Variants in CTNNA2 observed in about 807,000 individuals in gnomAD.
CTNNA2 encodes catenin alpha 2.
Under a neutral mutation model 101.0 loss-of-function variants are expected in CTNNA2, and 42 were observed. That is an observed-to-expected ratio of 0.42 (90% CI 0.32 to 0.54). The LOEUF is 0.54. Ranked by LOEUF, CTNNA2 falls within the 20% of genes least tolerant of loss-of-function variation. The pLI is 0.14. For synonymous variants in CTNNA2, 450 were observed against 456.4 expected (o/e 0.99, Z 0.18); for missense variants, 871 against 1,223.1 (o/e 0.71, Z 4.29).
intron 1 of CTNNA2, among the ~76,000 whole-genome samples, chr2:79,559,846 C>G (rs1674666438): frequency 6.6e-6 from 1 of 151,716 alleles, no homozygotes; most frequent in Admixed American, 6.6e-5. Flanking sequence ...AACGAAAAAA[C>G]TACCATTTAT....
chr2:80,611,325 G>A (rs1382252397), intron 17 of CTNNA2, among the ~76,000 whole-genome samples: 1 of 151,036 alleles, frequency 6.6e-6, no homozygotes, highest in African/African-American at 2.4e-5. Context: ...GGGGAGGGTA[G>A]AAGAGAAGAG....
chr2:80,063,908 C>G lies in CTNNA2; in HGVS notation c.1056+154111C>G, dbSNP rs560986048. Among the ~76,000 whole-genome samples, 4 of 152,280 alleles carry G rather than the reference C, an allele frequency of 2.6e-5. No homozygotes were observed. The South Asian group carries it at 8.3e-4, about 32-fold the overall frequency. Reference sequence around the variant, plus strand: ...ATTTGATATGGATCTTTTCTGATGGCCCCCTGGGGATCATTCTGTGGTCTA... The same window carrying G: ...ATTTGATATGGATCTTTTCTGATGGGCCCCTGGGGATCATTCTGTGGTCTA... On this transcript the variant is annotated intron_variant, in intron 7 of 18. Transcript: ENST00000402739.
chr2:80,530,018 G>C (rs569884108), intron 9 of CTNNA2, among the ~76,000 whole-genome samples: 8 of 152,096 alleles, frequency 5.3e-5, no homozygotes, highest in Non-Finnish European at 1.2e-4. Context: ...CTTTCATCTA[G>C]AGCTAGCCAT....
chr2:80,080,871 A>C (rs1267706919), intron 7 of CTNNA2, among the ~76,000 whole-genome samples: 1 of 151,614 alleles, frequency 6.6e-6, no homozygotes, highest in Non-Finnish European at 1.5e-5. Context: ...AAAATCTCCA[A>C]AATCAGGACA....
chr2:79,291,402 T>G (rs1190970593), intron 2 of CTNNA2, among the ~76,000 whole-genome samples: 2 of 152,156 alleles, frequency 1.3e-5, no homozygotes, highest in Non-Finnish European at 2.9e-5. Context: ...TTCTGACATA[T>G]AAAATTATTT....
chr2:80,090,718 C>T (rs1433252384), intron 7 of CTNNA2, among the ~76,000 whole-genome samples: 1 of 152,060 alleles, frequency 6.6e-6, no homozygotes, highest in Non-Finnish European at 1.5e-5. Flanking sequence ...GAATTGACAA[C>T]ACCATGAGGC....
intron 12 of CTNNA2, among the ~76,000 whole-genome samples, chr2:80,567,445 C>T (rs150507485): frequency 2.6e-5 from 4 of 152,238 alleles, no homozygotes; most frequent in East Asian, 3.9e-4. Flanking sequence ...AGGCACACCC[C>T]GTGCCTTATA....
chr2:79,667,624 A>G (rs2104563793), intron 2 of CTNNA2, among the ~76,000 whole-genome samples: 1 of 152,340 alleles, frequency 6.6e-6, no homozygotes, highest in Non-Finnish European at 1.5e-5. Flanking sequence ...CAAAAGGTAA[A>G]TCCTCAAAAT....
chr2:80,574,734 G>A (rs1694890880), intron 13 of CTNNA2, among the ~76,000 whole-genome samples: 1 of 152,100 alleles, frequency 6.6e-6, no homozygotes, highest in South Asian at 2.1e-4. Flanking sequence ...ACTATGAAGT[G>A]ATACATAATT....
intron 2 of CTNNA2, among the ~76,000 whole-genome samples, chr2:79,734,913 A>G (rs558993317): frequency 4.5e-4 from 69 of 152,288 alleles, no homozygotes; most frequent in African/African-American, 1.7e-3. Context: ...ATAACCTTAG[A>G]GAATACACAA....
At chr2:79,997,543 T>A (rs758716820) in intron 7 of CTNNA2, among the ~76,000 whole-genome samples, 1 of 152,140 alleles carries the variant, frequency 6.6e-6, no homozygotes, top group Middle Eastern at 3.2e-3. Flanking sequence ...GCCCCAGCAG[T>A]GGTTCACTCC....
At chr2:80,572,399 A>G (rs1694678069) in intron 12 of CTNNA2, among the ~76,000 whole-genome samples, 1 of 152,144 alleles carries the variant, frequency 6.6e-6, no homozygotes, top group African/African-American at 2.4e-5. Flanking sequence ...CTAATTCTTT[A>G]TCAGTTATAT....
chr2:80,553,306 T>C (rs1282052376), intron 11 of CTNNA2, among the ~76,000 whole-genome samples: 2 of 152,170 alleles, frequency 1.3e-5, no homozygotes, highest in Non-Finnish European at 2.9e-5. Flanking sequence ...ATTATTAACC[T>C]GACTATGTAA....
chr2:79,208,503 T>C (rs182698776), intron 2 of CTNNA2, among the ~76,000 whole-genome samples: 172 of 152,304 alleles, frequency 1.1e-3, no homozygotes, highest in Middle Eastern at 3.4e-3. Context: ...ATAAGAGATA[T>C]GCTGGAAAGT....
chr2:80,588,198 C>G (rs1178206555), intron 14 of CTNNA2, among the ~76,000 whole-genome samples: 1 of 152,188 alleles, frequency 6.6e-6, no homozygotes, highest in African/African-American at 2.4e-5. Flanking sequence ...TTAACTAACA[C>G]ATGTGTTTTC....
intron 7 of CTNNA2, among the ~76,000 whole-genome samples, chr2:80,032,842 C>T (rs1281850556): frequency 6.6e-6 from 1 of 152,126 alleles, no homozygotes; most frequent in Non-Finnish European, 1.5e-5. Flanking sequence ...CATGGAAAGA[C>T]ATACCACCAT....
intron 7 of CTNNA2, among the ~76,000 whole-genome samples, chr2:80,332,672 C>T (rs72912805): frequency 0.02 from 3,017 of 152,222 alleles, 96 homozygotes; most frequent in African/African-American, 0.069. Context: ...TTTAGAAAGA[C>T]GAGTTAGAGA....
At chr2:80,203,828 A>G (rs540577687) in intron 7 of CTNNA2, among the ~76,000 whole-genome samples, 1 of 152,306 alleles carries the variant, frequency 6.6e-6, no homozygotes, top group East Asian at 1.9e-4. Context: ...GAGGTTCTCT[A>G]TGAGGGTCCC....
chr2:79,912,403 A>G (rs1241907316), intron 7 of CTNNA2, among the ~76,000 whole-genome samples: 4 of 152,244 alleles, frequency 2.6e-5, no homozygotes, highest in African/African-American at 7.2e-5. Context: ...ATTGAGCTCA[A>G]TAGGATAGCA....
Sources: gnomAD v4.1 joint callset for allele counts (sites outside exome capture counted in the v4.1 genomes callset) on GRCh38, gnomAD v4.1.1 for gene constraint, MANE v1.5 for transcripts, NCBI Gene and HGNC (gene_info 2026-07-23, HGNC 2026-07-21) for gene names.